MTREX: variants seen among roughly 807,000 people sequenced by gnomAD.
The protein encoded by MTREX is Mtr4 exosome RNA helicase.
MTREX carries 76 observed loss-of-function variants against 135.4 expected under a neutral mutation model. The observed-to-expected ratio is 0.56, with a 90% confidence interval of 0.47 to 0.68. The LOEUF (loss-of-function observed/expected upper bound fraction) is 0.68, where lower values mean the gene tolerates loss of function less well. MTREX is among the 30% of genes least tolerant of loss of function. The probability of loss-of-function intolerance (pLI) is 0.00; values close to 1 mark genes in which losing one functional copy is unlikely to be tolerated. For synonymous variants in MTREX, 404 were observed against 401.6 expected, an observed-to-expected ratio of 1.01 and a Z score of -0.07; for missense variants, 920 against 1,262.1, an observed-to-expected ratio of 0.73 and a Z score of 4.11.
intron 5 of MTREX, among the ~76,000 whole-genome samples, chr5:55,330,427 C>T (rs1338905932): frequency 2.0e-5 from 3 of 151,838 alleles, no homozygotes; most frequent in African/African-American, 7.3e-5. Flanking sequence ...TTTTGTTTTC[C>T]TCCGTGTCTC....
At chr5:55,348,676 C>T (rs920933151) in intron 11 of MTREX, among the ~76,000 whole-genome samples, 2 of 152,110 alleles carry the variant, frequency 1.3e-5, no homozygotes, top group Admixed American at 1.3e-4. Flanking sequence ...CTTCTAAAGC[C>T]ACTAATAGTT....
At chr5:55,323,239 T>C (rs1749317227) in intron 2 of MTREX, among the ~76,000 whole-genome samples, 1 of 152,220 alleles carries the variant, frequency 6.6e-6, no homozygotes, top group South Asian at 2.1e-4. Flanking sequence ...AAGTCATTGT[T>C]ACTTGTTTGT....
chr5:55,425,467 A>AAATT lies in MTREX; in HGVS notation c.*697_*700dup. On this transcript the variant is annotated 3_prime_UTR_variant, in exon 27 of 27. Transcript: ENST00000230640. ...GAGGTGTACAGATTAAGCATATAAA[A>AAATT]AATTAGAGACTAACTGGGATTTTTT... 2 of 808,592 alleles carry AAATT rather than the reference A, an allele frequency of 2.5e-6. No individual in the cohort carries two copies. Among genetic ancestry groups the AAATT allele is most frequent in the Non-Finnish European group, 3.6e-6 (2 of 559,966 alleles). 50.1% of individuals were successfully genotyped at this position (808,592 alleles called of 1,614,324 possible). A position where few individuals can be genotyped will look rare whatever the true frequency, so the allele number is the denominator to read the frequency against.
At chr5:55,396,747 A>ATTCAC (rs1285079614) in intron 19 of MTREX, among the ~76,000 whole-genome samples, 1 of 152,232 alleles carries the variant, frequency 6.6e-6, no homozygotes, top group East Asian at 1.9e-4. Flanking sequence ...TCAGCAAGCC[A>ATTCAC]GTGAAAATTG....
At chr5:55,355,941 T>C (rs372149829) in intron 14 of MTREX, among the ~76,000 whole-genome samples, 1 of 152,226 alleles carries the variant, frequency 6.6e-6, no homozygotes, top group African/African-American at 2.4e-5. Flanking sequence ...CAGCCAGCAC[T>C]GCTGCCCCGA....
intron 1 of MTREX, among the ~76,000 whole-genome samples, chr5:55,313,533 A>G (rs1181227562): frequency 6.6e-6 from 1 of 152,222 alleles, no homozygotes; most frequent in African/African-American, 2.4e-5. Context: ...ATAATTTTGC[A>G]ATTAATAAGA....
chr5:55,387,930 C>A, intron 18 of MTREX, 44 bp from the exon 19 acceptor site: 2 of 1,527,036 alleles, frequency 1.3e-6, no homozygotes, highest in South Asian at 2.5e-5. Flanking sequence ...ATTTATGGGC[C>A]AGTTTCTTAA....
intron 14 of MTREX, among the ~76,000 whole-genome samples, chr5:55,355,693 C>T (rs896730531): frequency 1.3e-5 from 2 of 152,174 alleles, no homozygotes; most frequent in East Asian, 3.9e-4. Context: ...TTTGTGGGGG[C>T]ACCATGGAGA....
Position 55,330,641 on chromosome 5 carries a change from G to C in MTREX, c.515+1830G>C, listed in dbSNP as rs548418816. Among the ~76,000 whole-genome samples, 123 of 150,222 alleles carry C rather than the reference G, an allele frequency of 8.2e-4. 3 individuals are homozygous for C. In the South Asian group the frequency reaches 0.024, roughly 30 times the overall value. On this transcript the variant is annotated intron_variant, in intron 5 of 26. Transcript: ENST00000230640. Reference sequence around the variant, plus strand: ...TTTTTTTTTTAGTCACTGACTTCTTGATTATAATGTGACTGAGATAGTTTT... The same window carrying C: ...TTTTTTTTTTAGTCACTGACTTCTTCATTATAATGTGACTGAGATAGTTTT...
intron 16 of MTREX, among the ~76,000 whole-genome samples, chr5:55,367,448 T>TGC (rs1750123264): frequency 6.8e-6 from 1 of 148,102 alleles, no homozygotes; most frequent in Non-Finnish European, 1.5e-5. Context: ...ATTGCACCAC[T>TGC]GCACTCCAGC....
Position 55,343,422 on chromosome 5 carries a change from GTT to G in MTREX, c.875_876del (p.Phe292CysfsTer2). The G allele has an allele frequency of 6.2e-7, 1 of 1,613,274 alleles. No homozygotes were observed. The highest frequency in any genetic ancestry group is 8.5e-7 in the Non-Finnish European group (1 of 1,179,692). On this transcript the variant is annotated frameshift_variant, in exon 8 of 27. Coordinates refer to ENST00000230640, the MANE Select transcript of MTREX (RefSeq NM_015360.5). LOFTEE classifies it high-confidence loss of function. ...CGGCTACTATTCCAAATGCCCGACA[GTT>G]TGCTGAATGGATTTGCCATTTACAT... ...LSATIPNARQ[F>X]AEWICHLHKQ...
In MTREX at chr5:55,348,542, A is replaced by G. The variant is rs1451775221; in HGVS notation, c.1241-1031A>G. On this transcript the variant is annotated intron_variant, in intron 11 of 26. Coordinates refer to ENST00000230640, the MANE Select transcript of MTREX (RefSeq NM_015360.5). ...GTAAATAATATCTTAAGCCATCCAA[A>G]TTTAAATTTCAGTTGTATTGTTTTC... Among the ~76,000 whole-genome samples, 21 of 152,186 alleles carry G rather than the reference A, an allele frequency of 1.4e-4. 1 individual carries two copies. The highest frequency in any genetic ancestry group is 1.4e-3 in the Admixed American group (21 of 15,284).
rs1293063719 is a variant in MTREX at position 55,358,171 on chromosome 5, A to AT, written c.1534-396dup. 5.9e-5 allele frequency among the ~76,000 whole-genome samples: 9 copies of AT among 152,112 alleles called. No homozygotes were observed. The East Asian group carries it at 1.5e-3, about 26-fold the overall frequency. On this transcript the variant is annotated intron_variant, in intron 14 of 26. Coordinates refer to ENST00000230640, the MANE Select transcript of MTREX (RefSeq NM_015360.5). The stretch of plus-strand genomic sequence containing the variant: ...TTTCCAGAATATCCAGCTCAAAGGT[A>AT]TTTTTTACTGCCAGTGAATTAGCCA...
Position 55,352,890 on chromosome 5 carries a change from C to T in MTREX, c.1432-278C>T, listed in dbSNP as rs903358751. On this transcript the variant is annotated intron_variant, in intron 13 of 26. Transcript: ENST00000230640. ...ATATTCTATGACCTAAAACTTTGTT[C>T]GTAAGACCAGTGTGTATTCTCTCTA... 3.9e-5 allele frequency among the ~76,000 whole-genome samples: 6 copies of T among 152,088 alleles called. No homozygotes were observed. In the South Asian group the frequency reaches 1.0e-3, roughly 26 times the overall value.
intron 26 of MTREX, chr5:55,423,295 A>C (rs997706474): frequency 7.4e-6 from 2 of 269,562 alleles, no homozygotes; most frequent in Non-Finnish European, 1.4e-5. Flanking sequence ...GAGATAGACA[A>C]TAAGTCAACA....
At chr5:55,373,687 G>T (rs1423912556) in intron 16 of MTREX, among the ~76,000 whole-genome samples, 1 of 151,830 alleles carries the variant, frequency 6.6e-6, no homozygotes, top group African/African-American at 2.4e-5. Flanking sequence ...TAAATTTTTT[G>T]GAGGCCCTAA....
chr5:55,424,525 G>C, intron 26 of MTREX, 195 bp from the exon 27 acceptor site: 1 of 524,526 alleles, frequency 1.9e-6, no homozygotes, highest in Admixed American at 3.2e-5. Flanking sequence ...AAAAGAACAG[G>C]GGTCTGGCTT....
chr5:55,339,949 G>C, intron 5 of MTREX, 61 bp from the exon 6 acceptor site: 1 of 1,287,342 alleles, frequency 7.8e-7, no homozygotes, highest in East Asian at 2.8e-5. Context: ...AATATTAACA[G>C]AATTTTTAAA....
chr5:55,333,184 G>A (rs1238545296), intron 5 of MTREX, among the ~76,000 whole-genome samples: 8 of 152,264 alleles, frequency 5.3e-5, no homozygotes, highest in African/African-American at 1.9e-4. Flanking sequence ...TTGAGTTAGA[G>A]GAGTGAAGTT....
Sources: gnomAD v4.1 joint callset for allele counts (sites outside exome capture counted in the v4.1 genomes callset) on GRCh38, gnomAD v4.1.1 for gene constraint, MANE v1.5 for transcripts, NCBI Gene and HGNC (gene_info 2026-07-23, HGNC 2026-07-21) for gene names.